Variants in TMEM9 observed in about 807,000 individuals in gnomAD.
The protein encoded by TMEM9 is proton-transporting V-type ATPase complex assembly regulator TMEM9.
Under a neutral mutation model 22.8 loss-of-function variants are expected in TMEM9, and 13 were observed. That is an observed-to-expected ratio of 0.57 (90% confidence interval 0.37 to 0.91). The LOEUF (loss-of-function observed/expected upper bound fraction) is 0.91, where lower values mean the gene tolerates loss of function less well. TMEM9 is among the 40% of genes least tolerant of loss of function. TMEM9 has a pLI of 0.01. For missense variants in TMEM9, 182 were observed against 238.1 expected, an observed-to-expected ratio of 0.76 and a Z score of 1.55; for synonymous variants, 88 against 93.0, an observed-to-expected ratio of 0.95 and a Z score of 0.31.
chr1:201,135,508 C>G lies in TMEM9; in HGVS notation c.*155G>C. 1 of 742,184 alleles carries G rather than the reference C, an allele frequency of 1.3e-6. No individual in the cohort carries two copies. The highest frequency in any genetic ancestry group is 2.1e-6 in the Non-Finnish European group (1 of 482,996). 46.0% of individuals were successfully genotyped at this position (742,184 alleles called of 1,614,324 possible). ...CTTCCCTAATCAAAATAGCCAAGTA[C>G]AACATTTCTAAAGTTAGGGAGAAGG... On this transcript the variant is annotated 3_prime_UTR_variant, in exon 5 of 5. Transcript: ENST00000367330.
chr1:201,161,597 A>T (rs1003148476), intron 1 of TMEM9, among the ~76,000 whole-genome samples: 6 of 152,274 alleles, frequency 3.9e-5, no homozygotes, highest in African/African-American at 1.4e-4. Flanking sequence ...GGAACCTTAA[A>T]GTAAATGAAA....
At chr1:201,146,700 G>T in intron 3 of TMEM9, 40 bp downstream of exon 3, 1 of 1,580,032 alleles carries the variant, frequency 6.3e-7, no homozygotes, top group Non-Finnish European at 8.7e-7. Context: ...GGAGAATGGC[G>T]TGTGGGAATC....
chr1:201,143,503 C>T (rs924130397), intron 4 of TMEM9, among the ~76,000 whole-genome samples: 5 of 152,196 alleles, frequency 3.3e-5, no homozygotes, highest in African/African-American at 7.2e-5. Flanking sequence ...TCTGAGCACA[C>T]GGGGGATATC....
chr1:201,139,918 C>T (rs1244989335), intron 4 of TMEM9, among the ~76,000 whole-genome samples: 2 of 152,248 alleles, frequency 1.3e-5, no homozygotes, highest in Non-Finnish European at 2.9e-5. Context: ...CTGTGCTGCC[C>T]CACTGGAGGC....
chr1:201,153,758 G>A, intron 1 of TMEM9, 100 bp downstream of exon 1: 1 of 1,576,184 alleles, frequency 6.3e-7, no homozygotes, highest in Non-Finnish European at 8.6e-7. Context: ...TGAGTGAGAG[G>A]CAGGCTTAAG....
intron 3 of TMEM9, chr1:201,144,561 A>G (rs1414935504): frequency 6.6e-6 from 1 of 152,574 alleles, no homozygotes; most frequent in Non-Finnish European, 1.5e-5. Context: ...GGGTAGAACA[A>G]CAACTCCACG....
At chr1:201,153,414 C>T (rs537220128) in intron 1 of TMEM9, among the ~76,000 whole-genome samples, 1 of 152,262 alleles carries the variant, frequency 6.6e-6, no homozygotes, top group South Asian at 2.1e-4. Flanking sequence ...AAATTACCTT[C>T]GGGCTATGTA....
At chr1:201,150,475 C>T (rs760840459) in intron 2 of TMEM9, among the ~76,000 whole-genome samples, 3 of 152,182 alleles carry the variant, frequency 2.0e-5, no homozygotes, top group Non-Finnish European at 2.9e-5. Context: ...CACACAAACA[C>T]GTACATACTT....
intron 4 of TMEM9, among the ~76,000 whole-genome samples, chr1:201,142,676 C>T (rs1018652714): frequency 1.3e-5 from 2 of 152,264 alleles, no homozygotes; most frequent in African/African-American, 4.8e-5. Flanking sequence ...CTCAGGGCAT[C>T]CCTCCATCAG....
chr1:201,158,795 C>A (rs549335853), upstream of TMEM9, among the ~76,000 whole-genome samples: 71 of 152,304 alleles, frequency 4.7e-4, no homozygotes, highest in Non-Finnish European at 8.1e-4. Flanking sequence ...AAAACCCATA[C>A]CCTCTAGTTC....
At chr1:201,151,137 C>T (rs1301761033) in intron 2 of TMEM9, among the ~76,000 whole-genome samples, 1 of 152,142 alleles carries the variant, frequency 6.6e-6, no homozygotes, top group African/African-American at 2.4e-5. Flanking sequence ...ATCGTGTGTC[C>T]CCAAGTCCTC....
chr1:201,140,919 C>T (rs745826164), intron 4 of TMEM9, among the ~76,000 whole-genome samples: 17 of 152,200 alleles, frequency 1.1e-4, no homozygotes, highest in Admixed American at 2.0e-4. Context: ...TCCCTTTCCT[C>T]TGTGCACTGA....
At chr1:201,135,841 G>T (rs766506051) in intron 4 of TMEM9, 26 bp from the exon 5 acceptor site, 8 of 1,564,434 alleles carry the variant, frequency 5.1e-6, no homozygotes, top group African/African-American at 2.7e-5. Context: ...AAAAAGAGAA[G>T]ATCTGGCACG....
At position 201,153,934 on chromosome 1, in the gene TMEM9, C is replaced by A; in HGVS notation, c.-11G>T. On this transcript the variant is annotated 5_prime_UTR_variant, in exon 1 of 5. Coordinates refer to ENST00000367330, the MANE Select transcript of TMEM9 (RefSeq NM_001288565.2). ...AGATAAGAGCTTCATGCTTATCAGG[C>A]TTGCTGGGCCAGCAAAGCCGGACAC... 6.2e-7 allele frequency: 1 copy of A among 1,601,626 alleles called. No individual in the cohort carries two copies. Among genetic ancestry groups the A allele is most frequent in the Non-Finnish European group, 8.5e-7 (1 of 1,173,466 alleles).
chr1:201,158,432 TG>T (rs1447030116), upstream of TMEM9, among the ~76,000 whole-genome samples: 7 of 5,426 alleles, frequency 1.3e-3, no homozygotes, highest in African/African-American at 5.3e-3. Context: ...GGCATTCTGG[TG>T]GGGGGTGGGG....
chr1:201,139,838 CAGG>C (rs1664360301), intron 4 of TMEM9, among the ~76,000 whole-genome samples: 1 of 152,146 alleles, frequency 6.6e-6, no homozygotes, highest in Non-Finnish European at 1.5e-5. Context: ...AAAACTAAAC[CAGG>C]AGGTTAGCAC....
chr1:201,166,485 C>T (rs954521867), intron 1 of TMEM9, among the ~76,000 whole-genome samples: 2 of 152,038 alleles, frequency 1.3e-5, no homozygotes, highest in African/African-American at 2.4e-5. Flanking sequence ...GCCTCAGCCT[C>T]CCGAGTAGCT....
chr1:201,169,740 G>A (rs909852221), intron 1 of TMEM9, among the ~76,000 whole-genome samples: 4 of 152,154 alleles, frequency 2.6e-5, no homozygotes, highest in Non-Finnish European at 5.9e-5. Flanking sequence ...TTCAGAGGGA[G>A]ATTAAATATC....
chr1:201,161,304 A>G (rs1380053004), intron 1 of TMEM9, among the ~76,000 whole-genome samples: 1 of 152,198 alleles, frequency 6.6e-6, no homozygotes, highest in South Asian at 2.1e-4. Flanking sequence ...AGCAAATAAC[A>G]TCTTAGTATT....
Sources: allele counts gnomAD v4.1 joint callset (sites outside exome capture counted in the v4.1 genomes callset), GRCh38; gene constraint gnomAD v4.1.1; transcripts MANE v1.5; gene names NCBI Gene and HGNC (gene_info 2026-07-23, HGNC 2026-07-21).